Variants in PTPRN observed in about 807,000 individuals in gnomAD.
PTPRN encodes the protein protein tyrosine phosphatase receptor type N.
PTPRN carries 70 observed loss-of-function variants against 108.5 expected under a neutral mutation model. That is an observed-to-expected ratio of 0.65 (90% CI 0.53 to 0.79). The LOEUF (loss-of-function observed/expected upper bound fraction) is 0.79. Ranked by LOEUF, PTPRN falls within the 30% of genes least tolerant of loss-of-function variation. PTPRN has a pLI of 0.00. For synonymous variants in PTPRN, 496 were observed against 524.6 expected (o/e 0.95, Z 0.75); for missense variants, 1,136 against 1,295.5 (o/e 0.88, Z 1.89).
Position 219,297,874 on chromosome 2 carries a change from G to A in PTPRN, c.1887+11C>T. On this transcript the variant is annotated intron_variant, in intron 13 of 22. Coordinates refer to ENST00000295718, the MANE Select transcript of PTPRN (RefSeq NM_002846.4). This position sits in a 1 kb window ranked among gnomAD's most constrained non-coding sequence, Gnocchi z 6.0. ...ATTTCCTTTGCTCAATCAGCTTCTG[G>A]GGCTGCACACCTGGTACTCAAAGGT... 6.3e-7 allele frequency: 1 copy of A among 1,597,372 alleles called. No homozygotes were observed. The highest frequency in any genetic ancestry group is 8.5e-7 in the Non-Finnish European group (1 of 1,173,144).
chr2:219,291,384 C>T, intron 20 of PTPRN, 86 bp downstream of exon 20: 1 of 1,460,346 alleles, frequency 6.8e-7, no homozygotes, highest in South Asian at 1.1e-5. Flanking sequence ...CTGCAGTTTG[C>T]TAGCACCAAG....
At position 219,302,709 on chromosome 2, in the gene PTPRN, G is replaced by A. The variant is rs369033656; in HGVS notation, c.506C>T (p.Ala169Val). 18 of 1,613,240 alleles carry A rather than the reference G, an allele frequency of 1.1e-5. No individual in the cohort carries two copies. The highest frequency in any genetic ancestry group is 2.7e-5 in the African/African-American group (2 of 74,878). Residue 169 changes from alanine (A) to valine (V), a missense_variant, in exon 5 of 23, where the codon GCC (alanine) becomes GTC (valine). By Grantham distance (64) the Ala-to-Val change is moderately conservative. Coordinates refer to ENST00000295718, the MANE Select transcript of PTPRN (RefSeq NM_002846.4). ...QPPVGKGGAG[A>V]SSSLSPLQAE... The stretch of plus-strand genomic sequence containing the variant: ...CTGCAGAGGGGACAGAGAGGAGCTG[G>A]CCCCAGCTCCACCTTTGCCCACTGG...
At chr2:219,293,126 ATTAAT>A (rs1338752262) in intron 19 of PTPRN, among the ~76,000 whole-genome samples, 1 of 151,696 alleles carries the variant, frequency 6.6e-6, no homozygotes, top group African/African-American at 2.4e-5. Flanking sequence ...GGTCTCTTTT[ATTAAT>A]TTGTTTTCCT....
intron 12 of PTPRN, 128 bp downstream of exon 12, chr2:219,298,919 G>T: frequency 9.0e-7 from 1 of 1,114,752 alleles, no homozygotes; most frequent in Non-Finnish European, 1.4e-6. Flanking sequence ...CTTGGGCGAA[G>T]GCCGCCTCCA....
chr2:219,304,670 G>C (rs921094158), intron 3 of PTPRN, among the ~76,000 whole-genome samples: 2 of 152,160 alleles, frequency 1.3e-5, no homozygotes, highest in Non-Finnish European at 2.9e-5. Flanking sequence ...TAGATGAGCT[G>C]TCTGTGTTCC....
At position 219,300,855 on chromosome 2, in the gene PTPRN, TTC is replaced by T; in HGVS notation, c.1161+86_1161+87del. 2.1e-6 allele frequency: 3 copies of T among 1,457,958 alleles called. No homozygotes were observed. The South Asian group carries it at 3.5e-5, about 17-fold the overall frequency. The allele number at this position is 1,457,958 out of a possible 1,614,324, so 90.3% of individuals were successfully genotyped here. The stretch of plus-strand genomic sequence containing the variant: ...AAAATGAGGGGTGGGAGGATACAGA[TTC>T]TAGGTCCTGAATTTGAAATTTAGGT... On this transcript the variant is annotated intron_variant, in intron 8 of 22. Transcript: ENST00000295718.
Position 219,298,426 on chromosome 2 carries a change from G to A in PTPRN, c.1669-323C>T, listed in dbSNP as rs892730144. 1.2e-4 allele frequency among the ~76,000 whole-genome samples: 18 copies of A among 152,312 alleles called. 1 individual carries two copies. The highest frequency in any genetic ancestry group is 1.0e-3 in the South Asian group (5 of 4,826). ...GACAAAGGTATTTTGAGTATAGGCC[G>A]GGCGTGGTGGCTCACACCTGTAATC... On this transcript the variant is annotated intron_variant, in intron 12 of 22. Coordinates refer to ENST00000295718, the MANE Select transcript of PTPRN (RefSeq NM_002846.4).
At position 219,297,257 on chromosome 2, in the gene PTPRN, G is replaced by A; in HGVS notation, c.2064C>T (p.Asp688=). ...WCEEPAQANM[D]ISTGHMILAY... The stretch of plus-strand genomic sequence containing the variant: ...CCAGAATCATGTGTCCCGTGGAGAT[G>A]TCCATGTTGGCTTGGGCCGGCTCCT... Residue 688 remains aspartate, a synonymous_variant, in exon 14 of 23, where the codon GAC becomes GAT. Coordinates refer to ENST00000295718, the MANE Select transcript of PTPRN (RefSeq NM_002846.4). The surrounding 1 kb of genome is among the most constrained non-coding windows in gnomAD (Gnocchi z 6.0). 6.2e-7 allele frequency: 1 copy of A among 1,614,092 alleles called. No individual in the cohort carries two copies. The highest frequency in any genetic ancestry group is 8.5e-7 in the Non-Finnish European group (1 of 1,180,000).
Position 219,297,443 on chromosome 2 carries a change from A to G in PTPRN, c.1888-10T>C. ...GCTGGCGGCACAGGTCCTGTGGAGG[A>G]AGAATCAGGTGAGGTCCAAGAGTCC... On this transcript the variant is annotated splice_polypyrimidine_tract_variant and intron_variant, in intron 13 of 22. Coordinates refer to ENST00000295718, the MANE Select transcript of PTPRN (RefSeq NM_002846.4). This position sits in a 1 kb window ranked among gnomAD's most constrained non-coding sequence, Gnocchi z 6.0. 6.2e-7 allele frequency: 1 copy of G among 1,613,858 alleles called. No homozygotes were observed. The highest frequency in any genetic ancestry group is 8.5e-7 in the Non-Finnish European group (1 of 1,179,922).
Position 219,295,005 on chromosome 2 carries a change from GCCGGTGTGC to G in PTPRN, c.2636_2644del (p.Gly879_Pro881del). 6.2e-7 allele frequency: 1 copy of G among 1,604,516 alleles called. No individual in the cohort carries two copies. The highest frequency in any genetic ancestry group is 8.5e-7 in the Non-Finnish European group (1 of 1,176,010). On this transcript the variant is annotated inframe_deletion, in exon 19 of 23. Transcript: ENST00000295718. Reference sequence around the variant, plus strand: ...GAAGTCCAGCAGGGGCCGCGTGGAGGCCGGTGTGCCCTCTGCCGGCCAGCTGAGGAAGTG... The same window carrying G: ...GAAGTCCAGCAGGGGCCGCGTGGAGGCCTCTGCCGGCCAGCTGAGGAAGTG...
rs1559290757 is a variant in PTPRN at position 219,290,201 on chromosome 2, C to T, written c.*25G>A. ...CAGGCAAAGAGGGACAGAGGCTGGG[C>T]TGCCCGCCAAGGGGCCCCAGGGTCT... is the stretch of plus-strand genomic sequence containing the variant. On this transcript the variant is annotated 3_prime_UTR_variant, in exon 23 of 23. Coordinates refer to ENST00000295718, the MANE Select transcript of PTPRN (RefSeq NM_002846.4). This position sits in a 1 kb window ranked among gnomAD's most constrained non-coding sequence, Gnocchi z 4.2. The T allele has an allele frequency of 6.2e-7, 1 of 1,601,098 alleles. No homozygotes were observed. Among genetic ancestry groups the T allele is most frequent in the Non-Finnish European group, 8.6e-7 (1 of 1,168,430 alleles).
rs1229479482 is a variant in PTPRN, at chr2:219,299,128, G to A, written c.1604-17C>T. ...TCACCAGCCCTGCAGGGAGGACAAAGGTCAGGCTTGCTCCAGCCCCATGTG... is the reference window on the plus strand; with the variant it reads ...TCACCAGCCCTGCAGGGAGGACAAAAGTCAGGCTTGCTCCAGCCCCATGTG... On this transcript the variant is annotated splice_polypyrimidine_tract_variant and intron_variant, in intron 11 of 22. Transcript: ENST00000295718. The A allele has an allele frequency of 1.2e-6, 2 of 1,614,226 alleles. No homozygotes were observed. The highest frequency in any genetic ancestry group is 1.7e-6 in the Non-Finnish European group (2 of 1,180,016).
intron 19 of PTPRN, 30 bp from the exon 20 acceptor site, chr2:219,291,553 T>A: frequency 6.2e-7 from 1 of 1,608,840 alleles, no homozygotes; most frequent in East Asian, 2.2e-5. Context: ...TGAGGGCCAG[T>A]GGGCACCAGC....
rs751816272 is a variant in PTPRN, at chr2:219,297,668, A to G, written c.1887+217T>C. The stretch of plus-strand genomic sequence containing the variant: ...AATCCCAGAGCCCCAGAAGCACAGC[A>G]CCAAGAAGAACCTTAGGCACTGTAT... On this transcript the variant is annotated intron_variant, in intron 13 of 22. Coordinates refer to ENST00000295718, the MANE Select transcript of PTPRN (RefSeq NM_002846.4). The surrounding 1 kb of genome is among the most constrained non-coding windows in gnomAD (Gnocchi z 6.0). Among the ~76,000 whole-genome samples, 7 of 152,058 alleles carry G rather than the reference A, an allele frequency of 4.6e-5. No homozygotes were observed. The highest frequency in any genetic ancestry group is 7.4e-5 in the Non-Finnish European group (5 of 67,996).
chr2:219,305,737 G>C (rs921632669), intron 3 of PTPRN, among the ~76,000 whole-genome samples: 3 of 152,178 alleles, frequency 2.0e-5, no homozygotes, highest in Non-Finnish European at 4.4e-5. Flanking sequence ...CTTCACTTGA[G>C]TAGACATCTT....
chr2:219,301,127 A>T (rs1037917608), intron 7 of PTPRN, 150 bp from the exon 8 acceptor site: 3 of 755,912 alleles, frequency 4.0e-6, no homozygotes, highest in East Asian at 5.3e-5. Context: ...TACTGGTCTC[A>T]TCCTAAGCCT....
chr2:219,293,844 C>T (rs1308730636), intron 19 of PTPRN, among the ~76,000 whole-genome samples: 1 of 152,214 alleles, frequency 6.6e-6, no homozygotes, highest in Non-Finnish European at 1.5e-5. Context: ...GTGGGTGGGC[C>T]CCTGCCCTTG....
chr2:219,309,137 C>G (rs1241056602), intron 1 of PTPRN, 81 bp downstream of exon 1: 2 of 1,464,936 alleles, frequency 1.4e-6, no homozygotes, highest in East Asian at 5.1e-5. Context: ...GACATTTCAC[C>G]CTCACCCCCA....
rs138809620 is a variant in PTPRN at position 219,289,805 on chromosome 2, C to T, written c.*421G>A. The T allele has an allele frequency of 0.015, 2,632 of 176,486 alleles. 30 individuals are homozygous for T. Among genetic ancestry groups the T allele is most frequent in the Non-Finnish European group, 0.023 (1,881 of 82,610 alleles). The allele number at this position is 176,486 out of a possible 1,614,324, so 10.9% of individuals were successfully genotyped here. On this transcript the variant is annotated 3_prime_UTR_variant, in exon 23 of 23. Coordinates refer to ENST00000295718, the MANE Select transcript of PTPRN (RefSeq NM_002846.4). The stretch of plus-strand genomic sequence containing the variant: ...CCCAAGTGTGAGTCAGAGGCAGGCC[C>T]GGGGCTGAGAAGCAGGGGGAGCCGG...
Sources: gnomAD v4.1 joint callset for allele counts (sites outside exome capture counted in the v4.1 genomes callset) on GRCh38, gnomAD v4.1.1 for gene constraint, Gnocchi (gnomAD v3.1) non-coding constraint, MANE v1.5 for transcripts, NCBI Gene and HGNC (gene_info 2026-07-23, HGNC 2026-07-21) for gene names.